The following CDH18 variants were observed in gnomAD, a reference collection of about 807,000 sequenced individuals.
The protein encoded by CDH18 is cadherin 18, also known as cadherin-18.
CDH18 carries 31 observed loss-of-function variants against 67.9 expected under a neutral mutation model. The ratio of observed to expected loss-of-function variants is 0.46; its 90% CI spans 0.34 to 0.62. The LOEUF (loss-of-function observed/expected upper bound fraction) is 0.62, where lower values mean the gene tolerates loss of function less well. Among genes scored for constraint, CDH18 ranks in the 20% least tolerant of loss-of-function variants. The probability of loss-of-function intolerance (pLI) is 0.01; values close to 1 mark genes in which losing one functional copy is unlikely to be tolerated. For missense variants in CDH18, 890 were observed against 975.5 expected (o/e 0.91, Z 1.17); for synonymous variants, 362 against 347.2 (o/e 1.04, Z -0.48).
chr5:20,246,207 G>A (rs1486356776), intron 2 of CDH18, among the ~76,000 whole-genome samples: 1 of 152,136 alleles, frequency 6.6e-6, no homozygotes, highest in Non-Finnish European at 1.5e-5. Context: ...CAGAAAATAT[G>A]TACAGAGGCC....
intron 1 of CDH18, among the ~76,000 whole-genome samples, chr5:20,297,039 A>G (rs1411418688): frequency 6.6e-6 from 1 of 152,048 alleles, no homozygotes; most frequent in Non-Finnish European, 1.5e-5. Context: ...TGTTTTATCT[A>G]TCTCCGATCT....
intron 2 of CDH18, among the ~76,000 whole-genome samples, chr5:19,969,647 G>A (rs1381815486): frequency 6.8e-6 from 1 of 147,438 alleles, no homozygotes; most frequent in African/African-American, 2.5e-5. Flanking sequence ...TGAACAATGA[G>A]AACACATGGA....
At chr5:19,994,908 C>T (rs1735880468) in intron 2 of CDH18, among the ~76,000 whole-genome samples, 1 of 135,352 alleles carries the variant, frequency 7.4e-6, no homozygotes, top group African/African-American at 2.9e-5. Context: ...AGAAAAAGCT[C>T]ATGCAATTAC....
At chr5:19,854,518 T>C (rs1784054331) in intron 2 of CDH18, among the ~76,000 whole-genome samples, 1 of 152,114 alleles carries the variant, frequency 6.6e-6, no homozygotes, top group South Asian at 2.1e-4. Flanking sequence ...TAATATTTAA[T>C]CATACTCATG....
At chr5:19,703,698 C>G (rs1343565247) in intron 5 of CDH18, among the ~76,000 whole-genome samples, 1 of 152,004 alleles carries the variant, frequency 6.6e-6, no homozygotes, top group African/African-American at 2.4e-5. Context: ...TGGCAGTTCC[C>G]CATTAGGACA....
chr5:20,168,443 T>C lies in CDH18; in HGVS notation c.-518+87001A>G, dbSNP rs80034131. On this transcript the variant is annotated intron_variant, in intron 2 of 14. Transcript: ENST00000507958. ...AAAATAGAAAAAATAAACATTATTA[T>C]TTAAAAGAATAGAAAATTCTTAAAT... Among the ~76,000 whole-genome samples the C allele has an allele frequency of 2.1e-4, 32 of 152,148 alleles. No individual in the cohort carries two copies. In the East Asian group the frequency reaches 6.0e-3, roughly 28 times the overall value.
chr5:20,114,177 A>G (rs920597789), intron 2 of CDH18, among the ~76,000 whole-genome samples: 5 of 152,264 alleles, frequency 3.3e-5, no homozygotes, highest in African/African-American at 1.2e-4. Context: ...AGTTGAAGTT[A>G]CATTAGACAT....
intron 1 of CDH18, among the ~76,000 whole-genome samples, chr5:19,982,888 C>T (rs1799192483): frequency 6.6e-6 from 1 of 151,748 alleles, no homozygotes; most frequent in Non-Finnish European, 1.5e-5. Flanking sequence ...ACTAATAATA[C>T]AAAAAATTAG....
chr5:20,488,504 T>G (rs1325975175), intron 1 of CDH18, among the ~76,000 whole-genome samples: 5 of 152,010 alleles, frequency 3.3e-5, no homozygotes, highest in Non-Finnish European at 7.4e-5. Context: ...TAAAATTTGA[T>G]GTTGTTTCCA....
chr5:19,982,842 T>C (rs1205554406), intron 1 of CDH18, among the ~76,000 whole-genome samples: 1 of 151,220 alleles, frequency 6.6e-6, no homozygotes, highest in Non-Finnish European at 1.5e-5. Flanking sequence ...CAGGAGATTA[T>C]GACCATCCTG....
chr5:20,040,206 G>T (rs34976934), intron 2 of CDH18, among the ~76,000 whole-genome samples: 8,876 of 152,092 alleles, frequency 0.058, 284 homozygotes, highest in East Asian at 0.14. Context: ...AACAACAAAT[G>T]CTGGAGACCA....
chr5:19,631,850 T>G (rs1445701143), intron 5 of CDH18, among the ~76,000 whole-genome samples: 5 of 152,188 alleles, frequency 3.3e-5, no homozygotes, highest in Non-Finnish European at 4.4e-5. Context: ...TCCACTTTTT[T>G]TGGTCATTAA....
At chr5:20,362,358 G>A (rs1303102521) in intron 1 of CDH18, among the ~76,000 whole-genome samples, 1 of 152,156 alleles carries the variant, frequency 6.6e-6, no homozygotes, top group Non-Finnish European at 1.5e-5. Flanking sequence ...CAAGGATACT[G>A]TTGATACAGC....
At chr5:19,579,167 C>T (rs1348928542) in intron 7 of CDH18, among the ~76,000 whole-genome samples, 3 of 151,788 alleles carry the variant, frequency 2.0e-5, no homozygotes, top group Non-Finnish European at 2.9e-5. Context: ...TGAGCTATAA[C>T]CCTCTACAAT....
At chr5:20,560,937 T>G (rs1758173791) in intron 1 of CDH18, among the ~76,000 whole-genome samples, 2 of 151,484 alleles carry the variant, frequency 1.3e-5, no homozygotes, top group Non-Finnish European at 3.0e-5. Context: ...ATTAACAAAC[T>G]AAAAAAAATC....
chr5:20,484,726 A>G (rs757376773), intron 1 of CDH18, among the ~76,000 whole-genome samples: 3 of 152,046 alleles, frequency 2.0e-5, no homozygotes, highest in Non-Finnish European at 4.4e-5. Context: ...GTTCTCAATT[A>G]TTTGTGGGGG....
intron 1 of CDH18, among the ~76,000 whole-genome samples, chr5:20,453,559 G>A (rs944655262): frequency 7.7e-5 from 9 of 116,582 alleles, no homozygotes; most frequent in South Asian, 3.3e-4. Context: ...ATGTATGTGT[G>A]TGTGTATATA....
chr5:19,783,719 C>A (rs951576147), intron 3 of CDH18, among the ~76,000 whole-genome samples: 6 of 152,144 alleles, frequency 3.9e-5, no homozygotes, highest in Admixed American at 6.6e-5. Flanking sequence ...GGAGTCTCAT[C>A]TCCATGTGTT....
At chr5:20,234,482 G>A (rs529366168) in intron 2 of CDH18, among the ~76,000 whole-genome samples, 1 of 151,982 alleles carries the variant, frequency 6.6e-6, no homozygotes, top group Non-Finnish European at 1.5e-5. Flanking sequence ...AGAGACATGA[G>A]AGCATGCTTC....
Sources: allele counts gnomAD v4.1 joint callset (sites outside exome capture counted in the v4.1 genomes callset), GRCh38; gene constraint gnomAD v4.1.1; transcripts MANE v1.5; gene names NCBI Gene and HGNC (gene_info 2026-07-23, HGNC 2026-07-21).